LARGE1: variants seen among roughly 807,000 people sequenced by gnomAD.
LARGE1 encodes xylosyl- and glucuronyltransferase LARGE1.
LARGE1 carries 43 observed loss-of-function variants against 87.6 expected under a neutral mutation model. The ratio of observed to expected loss-of-function variants is 0.49; its 90% CI spans 0.38 to 0.63. LARGE1 has a LOEUF of 0.63. Among genes scored for constraint, LARGE1 ranks in the 30% least tolerant of loss-of-function variants. The probability of loss-of-function intolerance (pLI) is 0.00; values close to 1 mark genes in which losing one functional copy is unlikely to be tolerated. For missense variants in LARGE1, 802 were observed against 1,000.2 expected (o/e 0.80, Z 2.67); for synonymous variants, 434 against 394.6 (o/e 1.10, Z -1.18).
the LARGE1 span, among the ~76,000 whole-genome samples, chr22:33,140,887 A>G: frequency 6.6e-6 from 1 of 152,116 alleles, no homozygotes; most frequent in Admixed American, 6.5e-5. Context: ...TCATATATAC[A>G]TCTACCCTAT....
At chr22:33,147,770 C>T in the LARGE1 span, among the ~76,000 whole-genome samples, 2 of 152,120 alleles carry the variant, frequency 1.3e-5, no homozygotes, top group Non-Finnish European at 2.9e-5. Context: ...AATTCCTTCA[C>T]ATTTATAAAT....
At chr22:33,095,603 G>A in the LARGE1 span, among the ~76,000 whole-genome samples, 1 of 152,160 alleles carries the variant, frequency 6.6e-6, no homozygotes, top group Admixed American at 6.5e-5. Flanking sequence ...TTACATGTTT[G>A]TGCATTGCCA....
the LARGE1 span, among the ~76,000 whole-genome samples, chr22:33,111,653 C>T: frequency 6.6e-6 from 1 of 152,210 alleles, no homozygotes; most frequent in East Asian, 1.9e-4. Flanking sequence ...GGAAAGATCA[C>T]AGTGTCGAGT....
At chr22:33,430,061 GAGCCCAGA>G (rs1180892941) in intron 7 of LARGE1, among the ~76,000 whole-genome samples, 1 of 152,220 alleles carries the variant, frequency 6.6e-6, no homozygotes, top group African/African-American at 2.4e-5. Flanking sequence ...TTGAAGGGCA[GAGCCCAGA>G]ATTCTCCATT....
At chr22:33,699,891 T>C (rs2082356232) in intron 2 of LARGE1, among the ~76,000 whole-genome samples, 1 of 152,230 alleles carries the variant, frequency 6.6e-6, no homozygotes, top group African/African-American at 2.4e-5. Flanking sequence ...GCACTCTTGA[T>C]CCCAGTCACT....
At chr22:33,588,095 T>C (rs2078730268) in intron 5 of LARGE1, among the ~76,000 whole-genome samples, 1 of 152,196 alleles carries the variant, frequency 6.6e-6, no homozygotes, top group African/African-American at 2.4e-5. Context: ...CTCAAAATTC[T>C]TACCAAGACT....
At chr22:33,434,741 C>T (rs907053960) in intron 6 of LARGE1, among the ~76,000 whole-genome samples, 2 of 152,162 alleles carry the variant, frequency 1.3e-5, no homozygotes, top group Non-Finnish European at 2.9e-5. Context: ...AAATACTCTA[C>T]GAGCTACACT....
At chr22:33,894,773 A>G (rs565503056) in intron 1 of LARGE1, among the ~76,000 whole-genome samples, 21 of 152,186 alleles carry the variant, frequency 1.4e-4, no homozygotes, top group African/African-American at 4.8e-4. Flanking sequence ...CTCCTCTGTA[A>G]GTCAGGCACC....
chr22:33,814,732 G>A (rs1005408932), intron 1 of LARGE1, among the ~76,000 whole-genome samples: 2 of 151,926 alleles, frequency 1.3e-5, no homozygotes, highest in African/African-American at 4.8e-5. Flanking sequence ...ATATGTGTGT[G>A]TGTGTGTGTG....
chr22:33,192,229 T>A (rs377179687), intron 11 of LARGE1, among the ~76,000 whole-genome samples: 1 of 152,238 alleles, frequency 6.6e-6, no homozygotes, highest in African/African-American at 2.4e-5. Flanking sequence ...TTTGCCCTTT[T>A]AGAGGTGAAG....
At chr22:33,692,667 T>C (rs2082130166) in intron 2 of LARGE1, among the ~76,000 whole-genome samples, 1 of 152,236 alleles carries the variant, frequency 6.6e-6, no homozygotes, top group Non-Finnish European at 1.5e-5. Flanking sequence ...GTTTTCAATA[T>C]GTGTATATAT....
At chr22:33,744,722 A>T (rs1048055675) in intron 2 of LARGE1, among the ~76,000 whole-genome samples, 6 of 152,228 alleles carry the variant, frequency 3.9e-5, no homozygotes, top group African/African-American at 1.4e-4. Flanking sequence ...ACTGACTGGT[A>T]CAGTGCTCAG....
the LARGE1 span, among the ~76,000 whole-genome samples, chr22:33,085,773 C>T: frequency 6.6e-6 from 1 of 152,026 alleles, no homozygotes; most frequent in African/African-American, 2.4e-5. Flanking sequence ...ACAAATAAAC[C>T]TTTTCGTTCC....
At chr22:33,331,256 G>A (rs1937648215) in intron 10 of LARGE1, among the ~76,000 whole-genome samples, 1 of 152,078 alleles carries the variant, frequency 6.6e-6, no homozygotes, top group Non-Finnish European at 1.5e-5. Flanking sequence ...ACTTCTCTGA[G>A]GTCATGTGTC....
At chr22:33,867,247 T>C (rs1456339388) in intron 1 of LARGE1, among the ~76,000 whole-genome samples, 1 of 152,198 alleles carries the variant, frequency 6.6e-6, no homozygotes, top group Non-Finnish European at 1.5e-5. Context: ...AACAGTGTTA[T>C]GTATAAAACC....
intron 10 of LARGE1, among the ~76,000 whole-genome samples, chr22:33,330,722 C>T (rs74699911): frequency 6.6e-6 from 1 of 152,148 alleles, no homozygotes; most frequent in African/African-American, 2.4e-5. Context: ...ACTGGGGGAG[C>T]CTGTTCTCTT....
chr22:33,873,718 T>C (rs373809712), intron 1 of LARGE1, among the ~76,000 whole-genome samples: 2 of 152,252 alleles, frequency 1.3e-5, no homozygotes, highest in East Asian at 1.9e-4. Context: ...CAGATTCATA[T>C]GCCATTCTTT....
chr22:33,634,674 A>AAATAATAAT (rs139108196), intron 3 of LARGE1, among the ~76,000 whole-genome samples: 26 of 149,488 alleles, frequency 1.7e-4, no homozygotes, highest in Non-Finnish European at 2.7e-4. Flanking sequence ...AAAAATTTCA[A>AAATAATAAT]AATAATAATA....
intron 6 of LARGE1, among the ~76,000 whole-genome samples, chr22:33,481,179 AT>A (rs1483786063): frequency 6.6e-6 from 1 of 151,234 alleles, no homozygotes; most frequent in Non-Finnish European, 1.5e-5. Context: ...AAGGAGAAGT[AT>A]TTACATTTTT....
Sources: allele counts gnomAD v4.1 joint callset (sites outside exome capture counted in the v4.1 genomes callset), GRCh38; gene constraint gnomAD v4.1.1; transcripts MANE v1.5; gene names NCBI Gene and HGNC (gene_info 2026-07-23, HGNC 2026-07-21).